RAB4A: variants seen among roughly 807,000 people sequenced by gnomAD.
RAB4A encodes the protein ras-related protein Rab-4A.
Under a neutral mutation model 34.5 loss-of-function variants are expected in RAB4A, and 20 were observed. The ratio of observed to expected loss-of-function variants is 0.58; its 90% confidence interval spans 0.41 to 0.84. RAB4A has a LOEUF of 0.84. Among genes scored for constraint, RAB4A ranks in the 40% least tolerant of loss-of-function variants. RAB4A has a pLI of 0.00. For synonymous variants in RAB4A, 102 were observed against 100.0 expected (o/e 1.02, Z -0.12); for missense variants, 228 against 274.5 (o/e 0.83, Z 1.20).
chr1:229,303,747 G>A (rs1212859985), intron 7 of RAB4A, 59 bp from the exon 8 acceptor site: 1 of 152,190 alleles, frequency 6.6e-6, no homozygotes, highest in Non-Finnish European at 1.5e-5. Context: ...GCTTTAAGCT[G>A]TATTTACTTT....
chr1:229,305,609 A>C lies in RAB4A; in HGVS notation c.*1816A>C. ...AAATGTCATGTTTCTATTTCCCGCA[A>C]CTCATTAAGTTTTCAGGAAGCTCTT... On this transcript the variant is annotated 3_prime_UTR_variant, in exon 8 of 8. Transcript: ENST00000366690. 1 of 194,732 alleles carries C rather than the reference A, an allele frequency of 5.1e-6. No individual in the cohort carries two copies. Among genetic ancestry groups the C allele is most frequent in the Non-Finnish European group, 1.0e-5 (1 of 96,086 alleles). 12.1% of individuals were successfully genotyped at this position (194,732 alleles called of 1,614,324 possible). A position where few individuals can be genotyped will look rare whatever the true frequency, so the allele number is the denominator to read the frequency against.
At chr1:229,293,391 C>T (rs913888118) in intron 3 of RAB4A, among the ~76,000 whole-genome samples, 13 of 152,262 alleles carry the variant, frequency 8.5e-5, no homozygotes, top group South Asian at 4.1e-4. Flanking sequence ...AGGGCTCCCA[C>T]GGCCACAGCC....
intron 1 of RAB4A, among the ~76,000 whole-genome samples, chr1:229,278,741 G>T (rs1656709961): frequency 6.6e-6 from 1 of 152,042 alleles, no homozygotes; most frequent in South Asian, 2.1e-4. Context: ...TTCCCTCACA[G>T]CTAAACTGCT....
intron 3 of RAB4A, among the ~76,000 whole-genome samples, chr1:229,294,822 C>CT (rs531379746): frequency 4.3e-4 from 66 of 152,262 alleles, no homozygotes; most frequent in African/African-American, 1.5e-3. Flanking sequence ...GAGCGAAACT[C>CT]TGTCTCAAAA....
At chr1:229,296,801 C>G (rs941997730) in intron 4 of RAB4A, among the ~76,000 whole-genome samples, 2 of 152,192 alleles carry the variant, frequency 1.3e-5, no homozygotes, top group Admixed American at 6.5e-5. Context: ...CTGCACTTGC[C>G]CAGGCAGTGA....
chr1:229,303,297 T>A (rs1051315526), intron 7 of RAB4A, among the ~76,000 whole-genome samples: 1 of 151,554 alleles, frequency 6.6e-6, no homozygotes, highest in African/African-American at 2.4e-5. Context: ...AGGCGGAGGT[T>A]GCAGTAAGCC....
In RAB4A at chr1:229,305,240, C is replaced by G. The variant is rs755417336; in HGVS notation, c.*1447C>G. 5 of 1,608,870 alleles carry G rather than the reference C, an allele frequency of 3.1e-6. No homozygotes were observed. The African/African-American group carries it at 6.7e-5, about 22-fold the overall frequency. ...TCAAAAAGTATCTGAAGCAAATTCT[C>G]AGACTGAACTACTTCTTAGACCTCA... On this transcript the variant is annotated 3_prime_UTR_variant, in exon 8 of 8. Coordinates refer to ENST00000366690, the MANE Select transcript of RAB4A (RefSeq NM_004578.4).
intron 3 of RAB4A, among the ~76,000 whole-genome samples, chr1:229,293,710 G>A (rs912377425): frequency 6.6e-6 from 1 of 152,108 alleles, no homozygotes; most frequent in Admixed American, 6.5e-5. Flanking sequence ...ATCCCACCAA[G>A]TGGGATGGTG....
intron 1 of RAB4A, among the ~76,000 whole-genome samples, chr1:229,277,213 C>T (rs1298979897): frequency 1.3e-5 from 2 of 150,690 alleles, no homozygotes; most frequent in Admixed American, 6.6e-5. Context: ...GACCCAATCA[C>T]GAACCTGGAG....
intron 1 of RAB4A, among the ~76,000 whole-genome samples, chr1:229,277,465 G>A (rs1656680295): frequency 6.6e-6 from 1 of 151,016 alleles, no homozygotes; most frequent in Non-Finnish European, 1.5e-5. Flanking sequence ...TTTCATCAAG[G>A]TTCCCACTGT....
At chr1:229,287,544 C>T (rs534869176) in intron 2 of RAB4A, among the ~76,000 whole-genome samples, 1 of 152,326 alleles carries the variant, frequency 6.6e-6, no homozygotes, top group East Asian at 1.9e-4. Context: ...AAGTACCCAG[C>T]TTATGTAATC....
chr1:229,302,274 TATATATATATATATATATATATATATATA>T (rs1657407062), intron 6 of RAB4A, among the ~76,000 whole-genome samples: 5 of 14,710 alleles, frequency 3.4e-4, no homozygotes, highest in African/African-American at 1.1e-3. Flanking sequence ...TATATATATA[TATATATATATATATATATATATATATATA>T]TATATATTTT....
intron 2 of RAB4A, 91 bp downstream of exon 2, chr1:229,286,657 A>G (rs1656931551): frequency 1.4e-6 from 1 of 740,126 alleles, no homozygotes; most frequent in East Asian, 2.9e-5. Context: ...ATTTTTTCAG[A>G]GGAAAAAAGT....
intron 6 of RAB4A, among the ~76,000 whole-genome samples, chr1:229,302,291 ATATATATATATATATATATTTTTT>A (rs1415874020): frequency 1.3e-4 from 3 of 23,066 alleles, no homozygotes; most frequent in African/African-American, 2.6e-4. Context: ...ATATATATAT[ATATATATATATATATATATTTTTT>A]TTTTTTTTTT....
intron 1 of RAB4A, among the ~76,000 whole-genome samples, chr1:229,275,055 A>G (rs1224527929): frequency 6.6e-6 from 1 of 152,210 alleles, no homozygotes; most frequent in East Asian, 1.9e-4. Context: ...TAGGCTGTTC[A>G]GGTTGAATTG....
intron 1 of RAB4A, among the ~76,000 whole-genome samples, chr1:229,271,626 C>G (rs7528776): frequency 0.026 from 3,919 of 152,300 alleles, 177 homozygotes; most frequent in African/African-American, 0.09. Flanking sequence ...TTCAAGTTTC[C>G]TCTTGCTCTT....
In RAB4A at chr1:229,295,760, A is replaced by G. The variant is rs142142688; in HGVS notation, c.228-88A>G. The G allele has an allele frequency of 1.3e-4, 168 of 1,290,124 alleles. No individual in the cohort carries two copies. In the African/African-American group the frequency reaches 2.4e-3, roughly 18 times the overall value. 79.9% of individuals were successfully genotyped at this position (1,290,124 alleles called of 1,614,324 possible). A position where few individuals can be genotyped will look rare whatever the true frequency, so the allele number is the denominator to read the frequency against. ...GTCTGTCCCTGTGTTGTGGTTTACA[A>G]AGCAAGCATGGGTGTTTTTTCATGG... On this transcript the variant is annotated intron_variant, in intron 3 of 7. Transcript: ENST00000366690.
intron 2 of RAB4A, among the ~76,000 whole-genome samples, chr1:229,288,480 A>G (rs1164155431): frequency 6.6e-6 from 1 of 152,196 alleles, no homozygotes; most frequent in African/African-American, 2.4e-5. Flanking sequence ...ACTTTCAGGC[A>G]TAGGTTTTTA....
At chr1:229,287,726 C>T (rs1035885412) in intron 2 of RAB4A, among the ~76,000 whole-genome samples, 3 of 152,098 alleles carry the variant, frequency 2.0e-5, no homozygotes, top group Non-Finnish European at 2.9e-5. Flanking sequence ...ATGGAATTTC[C>T]ATACTAGTTC....
Sources: allele counts gnomAD v4.1 joint callset (sites outside exome capture counted in the v4.1 genomes callset), GRCh38; gene constraint gnomAD v4.1.1; transcripts MANE v1.5; gene names NCBI Gene and HGNC (gene_info 2026-07-23, HGNC 2026-07-21).